CSMD3: variants seen among roughly 807,000 people sequenced by gnomAD.
The protein encoded by CSMD3 is CUB and Sushi multiple domains 3, also known as CUB and sushi domain-containing protein 3.
CSMD3 carries 177 observed loss-of-function variants against 435.2 expected under a neutral mutation model. The observed-to-expected ratio is 0.41, with a 90% CI of 0.36 to 0.46. The LOEUF (loss-of-function observed/expected upper bound fraction) is 0.46. CSMD3 is among the 20% of genes least tolerant of loss of function. The pLI, the probability that CSMD3 is intolerant of heterozygous loss-of-function variation, is 0.34. For missense variants in CSMD3, 4,265 were observed against 4,504.6 expected (o/e 0.95, Z 1.52); for synonymous variants, 1,656 against 1,520.5 (o/e 1.09, Z -2.07).
rs192771102 is a variant in CSMD3 at position 113,041,167 on chromosome 8, C to T, written c.918-21988G>A. ...GTTGCGGTGAGCCGAGATCGCGACA[C>T]TGCACGCCAGCCTGGGTAAGAGAGT... On this transcript the variant is annotated intron_variant, in intron 5 of 70. Coordinates refer to ENST00000297405, the MANE Select transcript of CSMD3 (RefSeq NM_198123.2). Among the ~76,000 whole-genome samples, 8 of 133,652 alleles carry T rather than the reference C, an allele frequency of 6.0e-5. No individual in the cohort carries two copies. In the East Asian group the frequency reaches 1.7e-3, roughly 29 times the overall value. The allele number at this position is 133,652 out of a possible 152,430, so 87.7% of individuals were successfully genotyped here.
intron 13 of CSMD3, among the ~76,000 whole-genome samples, chr8:112,754,999 C>T (rs2077656006): frequency 6.6e-6 from 1 of 152,050 alleles, no homozygotes; most frequent in African/African-American, 2.4e-5. Context: ...TCCCATAATC[C>T]CCACATGTCG....
intron 4 of CSMD3, among the ~76,000 whole-genome samples, chr8:113,110,016 G>T (rs1387603930): frequency 2.0e-5 from 3 of 152,180 alleles, no homozygotes; most frequent in Non-Finnish European, 4.4e-5. Flanking sequence ...AGTATCCCCA[G>T]TCCCTTCTTT....
chr8:113,009,558 T>C (rs1429201624), intron 6 of CSMD3, among the ~76,000 whole-genome samples: 1 of 151,638 alleles, frequency 6.6e-6, no homozygotes, highest in Non-Finnish European at 1.5e-5. Flanking sequence ...ACTAGAAAAA[T>C]TGTGTTCACT....
chr8:112,927,246 A>G (rs1346566049), intron 9 of CSMD3, among the ~76,000 whole-genome samples: 2 of 152,090 alleles, frequency 1.3e-5, no homozygotes, highest in Non-Finnish European at 2.9e-5. Context: ...AAATTTTGAA[A>G]ATTAAGATTA....
chr8:113,054,822 T>C (rs139816029), intron 5 of CSMD3, among the ~76,000 whole-genome samples: 4 of 152,258 alleles, frequency 2.6e-5, no homozygotes, highest in African/African-American at 9.6e-5. Context: ...TCCACTCCAC[T>C]TTACTTAAAT....
intron 32 of CSMD3, among the ~76,000 whole-genome samples, chr8:112,420,486 T>C (rs1310651540): frequency 1.3e-5 from 2 of 151,916 alleles, no homozygotes; most frequent in African/African-American, 4.9e-5. Flanking sequence ...AAAAATAGTC[T>C]TTTTATAGTT....
At chr8:113,181,347 T>G (rs748435036) in intron 3 of CSMD3, among the ~76,000 whole-genome samples, 2 of 152,054 alleles carry the variant, frequency 1.3e-5, no homozygotes, top group African/African-American at 2.4e-5. Flanking sequence ...TTATGCTATG[T>G]TGGTAATGTC....
At chr8:112,785,861 T>C (rs1387880898) in intron 13 of CSMD3, among the ~76,000 whole-genome samples, 2 of 152,030 alleles carry the variant, frequency 1.3e-5, no homozygotes, top group African/African-American at 4.8e-5. Flanking sequence ...TATAAAGCAA[T>C]CTGCAGATTT....
intron 13 of CSMD3, among the ~76,000 whole-genome samples, chr8:112,768,894 T>C (rs1230570785): frequency 1.3e-5 from 2 of 151,892 alleles, no homozygotes; most frequent in African/African-American, 4.8e-5. Flanking sequence ...TCAGTCTTCA[T>C]CTTTCTTGAT....
intron 32 of CSMD3, among the ~76,000 whole-genome samples, chr8:112,459,944 C>A (rs763235282): frequency 3.3e-5 from 5 of 152,098 alleles, no homozygotes; most frequent in Non-Finnish European, 7.4e-5. Flanking sequence ...ATTACACATT[C>A]ATTAAGACTT....
At chr8:112,836,898 C>G (rs893823887) in intron 11 of CSMD3, among the ~76,000 whole-genome samples, 2 of 151,808 alleles carry the variant, frequency 1.3e-5, no homozygotes, top group Non-Finnish European at 2.9e-5. Flanking sequence ...TATTTGGCTA[C>G]TGGTGATGAA....
chr8:113,407,094 T>A (rs2094536197), intron 1 of CSMD3, among the ~76,000 whole-genome samples: 1 of 152,132 alleles, frequency 6.6e-6, no homozygotes, highest in Non-Finnish European at 1.5e-5. Flanking sequence ...CTATACAAGC[T>A]GAAATCATGA....
intron 16 of CSMD3, among the ~76,000 whole-genome samples, chr8:112,671,873 T>C (rs1330802079): frequency 6.6e-6 from 1 of 152,110 alleles, no homozygotes; most frequent in Non-Finnish European, 1.5e-5. Flanking sequence ...AGGTTTTTAG[T>C]ATAATTTTGA....
chr8:113,017,133 T>C (rs528444169), intron 6 of CSMD3, among the ~76,000 whole-genome samples: 4 of 152,086 alleles, frequency 2.6e-5, no homozygotes, highest in South Asian at 4.1e-4. Context: ...GAGTCCCTTT[T>C]CCTGCAGCAA....
chr8:112,534,417 C>T (rs963542658), intron 27 of CSMD3, among the ~76,000 whole-genome samples: 6 of 152,126 alleles, frequency 3.9e-5, no homozygotes, highest in Non-Finnish European at 8.8e-5. Context: ...AGCAAATAAA[C>T]TAGAAAATCT....
At chr8:113,326,678 A>G (rs1282015323) in intron 1 of CSMD3, among the ~76,000 whole-genome samples, 1 of 152,124 alleles carries the variant, frequency 6.6e-6, no homozygotes, top group Non-Finnish European at 1.5e-5. Flanking sequence ...AACTAATACA[A>G]ATTATCTGCT....
At chr8:112,380,651 GA>G (rs1829390549) in intron 37 of CSMD3, among the ~76,000 whole-genome samples, 195 bp from the exon 38 acceptor site, 1 of 152,036 alleles carries the variant, frequency 6.6e-6, no homozygotes, top group Non-Finnish European at 1.5e-5. Flanking sequence ...CAAGAAGACA[GA>G]CCACCTGAGA....
intron 5 of CSMD3, among the ~76,000 whole-genome samples, chr8:113,055,717 T>G (rs993568267): frequency 4.6e-5 from 7 of 151,962 alleles, no homozygotes. Flanking sequence ...AGAAGAAGGG[T>G]TATAAAGGAA....
intron 45 of CSMD3, among the ~76,000 whole-genome samples, chr8:112,333,480 T>C (rs1824269344): frequency 6.6e-6 from 1 of 152,174 alleles, no homozygotes; most frequent in Non-Finnish European, 1.5e-5. Context: ...ATCTGCTTTA[T>C]TCTTAAGCAA....
Sources: gnomAD v4.1 joint callset for allele counts (sites outside exome capture counted in the v4.1 genomes callset) on GRCh38, gnomAD v4.1.1 for gene constraint, MANE v1.5 for transcripts, NCBI Gene and HGNC (gene_info 2026-07-23, HGNC 2026-07-21) for gene names.